PSIP1: variants seen among roughly 807,000 people sequenced by gnomAD.
PSIP1 encodes the protein PC4 and SFRS1-interacting protein.
Under a neutral mutation model 74.7 loss-of-function variants are expected in PSIP1, and 19 were observed. The observed-to-expected ratio is 0.25, with a 90% confidence interval of 0.18 to 0.37. The LOEUF (loss-of-function observed/expected upper bound fraction) is 0.37. Among genes scored for constraint, PSIP1 ranks in the 10% least tolerant of loss-of-function variants. The probability of loss-of-function intolerance (pLI) is 1.00; values close to 1 mark genes in which losing one functional copy is unlikely to be tolerated. For missense variants in PSIP1, 601 were observed against 614.3 expected (o/e 0.98, Z 0.23); for synonymous variants, 222 against 195.3 (o/e 1.14, Z -1.14).
At chr9:15,505,133 T>G (rs988389970) in intron 3 of PSIP1, 3 of 152,076 alleles carry the variant, frequency 2.0e-5, no homozygotes, top group African/African-American at 7.3e-5. Context: ...GAGACACAGT[T>G]TCACCATGTT....
At chr9:15,495,483 T>G (rs1465509050) in intron 3 of PSIP1, among the ~76,000 whole-genome samples, 1 of 152,152 alleles carries the variant, frequency 6.6e-6, no homozygotes, top group African/African-American at 2.4e-5. Context: ...GGAAATGAAA[T>G]AGTAAAACCA....
At chr9:15,489,540 A>T (rs111415124) in intron 4 of PSIP1, 10 of 150,526 alleles carry the variant, frequency 6.6e-5, no homozygotes, top group Non-Finnish European at 3.0e-5. Flanking sequence ...CCCGGGAGGC[A>T]TAAGTTGCAG....
chr9:15,500,256 G>A (rs1173653374), intron 3 of PSIP1, among the ~76,000 whole-genome samples: 3 of 152,058 alleles, frequency 2.0e-5, no homozygotes, highest in Non-Finnish European at 4.4e-5. Flanking sequence ...ATGACGTCAG[G>A]AGATCAAGAC....
chr9:15,500,292 G>C (rs903627833), intron 3 of PSIP1, among the ~76,000 whole-genome samples: 1 of 151,820 alleles, frequency 6.6e-6, no homozygotes, highest in East Asian at 1.9e-4. Context: ...GGTGAAACCC[G>C]GTCTCTACTA....
chr9:15,488,927 A>G (rs1175506584), intron 4 of PSIP1, among the ~76,000 whole-genome samples: 2 of 152,186 alleles, frequency 1.3e-5, no homozygotes, highest in African/African-American at 4.8e-5. Flanking sequence ...AGGCTGAGGC[A>G]GGAGAATGGT....
rs1377231414 is a variant in PSIP1 at position 15,469,799 on chromosome 9, A to T, written c.1033+139T>A. The T allele has an allele frequency of 6.1e-6, 4 of 652,208 alleles. No homozygotes were observed. In the East Asian group the frequency reaches 1.1e-4, roughly 18 times the overall value. The allele number at this position is 652,208 out of a possible 1,614,324, so 40.4% of individuals were successfully genotyped here. On this transcript the variant is annotated intron_variant, in intron 11 of 15. Coordinates refer to ENST00000380733, the MANE Select transcript of PSIP1 (RefSeq NM_033222.5). Reference sequence around the variant, plus strand: ...TTAAAATACAATGCAATTTATATAAAGCCCATTAGGGATTTGAAAAATTCT... The same window carrying T: ...TTAAAATACAATGCAATTTATATAATGCCCATTAGGGATTTGAAAAATTCT...
rs113325948 is a variant in PSIP1 at position 15,499,892 on chromosome 9, C to A, written c.149+6669G>T. Among the ~76,000 whole-genome samples the A allele has an allele frequency of 4.8e-3, 688 of 143,512 alleles. 5 individuals carry two copies. Among genetic ancestry groups the A allele is most frequent in the African/African-American group, 0.017 (642 of 38,062 alleles). The allele number at this position is 143,512 out of a possible 152,430, so 94.1% of individuals were successfully genotyped here. A position where few individuals can be genotyped will look rare whatever the true frequency, so the allele number is the denominator to read the frequency against. The stretch of plus-strand genomic sequence containing the variant: ...CTCTGTCTCAAAAAAAAAAAAAAAA[C>A]CGAAGTCACATACACAAAACAGGAA... On this transcript the variant is annotated intron_variant, in intron 3 of 15. Transcript: ENST00000380733.
intron 9 of PSIP1, among the ~76,000 whole-genome samples, chr9:15,473,439 A>G (rs757497438): frequency 5.3e-5 from 8 of 152,220 alleles, no homozygotes; most frequent in Non-Finnish European, 5.9e-5. Context: ...TTTCCAGATC[A>G]TAATTGTAAA....
intron 8 of PSIP1, among the ~76,000 whole-genome samples, chr9:15,474,450 C>CTTAAA (rs1350619481): frequency 5.9e-5 from 9 of 152,096 alleles, no homozygotes; most frequent in African/African-American, 2.2e-4. Flanking sequence ...TCTTATGGAA[C>CTTAAA]TTAAATTCTA....
chr9:15,491,952 C>G (rs751804880), intron 3 of PSIP1: 1 of 152,208 alleles, frequency 6.6e-6, no homozygotes, highest in African/African-American at 2.4e-5. Flanking sequence ...ATGGGGGAAA[C>G]CACCTCCATC....
chr9:15,507,262 T>C (rs563719466), intron 2 of PSIP1, among the ~76,000 whole-genome samples: 6 of 152,342 alleles, frequency 3.9e-5, no homozygotes, highest in African/African-American at 1.4e-4. Flanking sequence ...TCAGGTGCTG[T>C]CACGTCTAAT....
chr9:15,494,527 T>C (rs990524585), intron 3 of PSIP1, among the ~76,000 whole-genome samples: 13 of 132,560 alleles, frequency 9.8e-5, no homozygotes, highest in Admixed American at 8.7e-5. Context: ...ATCACACCAT[T>C]GCACTCCAGC....
Position 15,465,497 on chromosome 9 carries a change from C to T in PSIP1, c.*23G>A. ...AACCATTACAAACTTCTCAAGTGTT[C>T]TCTATATTCCAGGTATGTCAACCTA... On this transcript the variant is annotated 3_prime_UTR_variant, in exon 16 of 16. Coordinates refer to ENST00000380733, the MANE Select transcript of PSIP1 (RefSeq NM_033222.5). 6.6e-7 allele frequency: 1 copy of T among 1,505,500 alleles called. No homozygotes were observed. Among genetic ancestry groups the T allele is most frequent in the Non-Finnish European group, 9.1e-7 (1 of 1,099,670 alleles). 93.3% of individuals were successfully genotyped at this position (1,505,500 alleles called of 1,614,324 possible). A position where few individuals can be genotyped will look rare whatever the true frequency, so the allele number is the denominator to read the frequency against.
At chr9:15,492,295 C>G (rs1202929521) in intron 3 of PSIP1, 1 of 152,188 alleles carries the variant, frequency 6.6e-6, no homozygotes, top group Non-Finnish European at 1.5e-5. Flanking sequence ...CTAAATACAC[C>G]CATCCCAAAT....
chr9:15,485,138 T>C (rs919728364), intron 6 of PSIP1, among the ~76,000 whole-genome samples: 1 of 152,132 alleles, frequency 6.6e-6, no homozygotes, highest in Non-Finnish European at 1.5e-5. Context: ...AATTCAATCA[T>C]TTCCCATCAC....
chr9:15,497,823 C>A (rs1295277295), intron 3 of PSIP1, among the ~76,000 whole-genome samples: 1 of 152,104 alleles, frequency 6.6e-6, no homozygotes, highest in Non-Finnish European at 1.5e-5. Flanking sequence ...GTAAACTAAT[C>A]CACAATCTCA....
chr9:15,467,243 A>C (rs2035678706), intron 14 of PSIP1, among the ~76,000 whole-genome samples: 1 of 152,212 alleles, frequency 6.6e-6, no homozygotes, highest in Non-Finnish European at 1.5e-5. Flanking sequence ...TGTGAATCAA[A>C]TTTTAAAATT....
At chr9:15,474,293 G>A (rs528178346) in intron 8 of PSIP1, 56 bp from the exon 9 acceptor site, 1 of 1,410,292 alleles carries the variant, frequency 7.1e-7, no homozygotes, top group Non-Finnish European at 9.7e-7. Context: ...TAGTATTTTA[G>A]ATATCAGTAA....
intron 7 of PSIP1, among the ~76,000 whole-genome samples, chr9:15,479,361 C>G (rs1308118101): frequency 2.0e-5 from 3 of 152,146 alleles, no homozygotes; most frequent in Non-Finnish European, 2.9e-5. Flanking sequence ...TCCCCACAGC[C>G]TCTCTTACCA....
Sources: gnomAD v4.1 joint callset for allele counts (sites outside exome capture counted in the v4.1 genomes callset) on GRCh38, gnomAD v4.1.1 for gene constraint, MANE v1.5 for transcripts, NCBI Gene and HGNC (gene_info 2026-07-23, HGNC 2026-07-21) for gene names.